TENM1: variants seen among roughly 807,000 people sequenced by gnomAD.
The protein encoded by TENM1 is teneurin transmembrane protein 1.
Under a neutral mutation model 174.8 loss-of-function variants are expected in TENM1, and 35 were observed. The ratio of observed to expected loss-of-function variants is 0.20; its 90% CI spans 0.15 to 0.27. TENM1 has a LOEUF of 0.27. TENM1 is among the 10% of genes least tolerant of loss of function. The pLI is 1.00. For missense variants in TENM1, 1,633 were observed against 2,130.1 expected, an observed-to-expected ratio of 0.77 and a Z score of 4.59; for synonymous variants, 781 against 798.7, an observed-to-expected ratio of 0.98 and a Z score of 0.37.
the TENM1 span, among the ~76,000 whole-genome samples, chrX:125,092,111 C>T: frequency 2.7e-5 from 3 of 109,976 alleles, no homozygotes; most frequent in South Asian, 1.2e-3. Flanking sequence ...AAAGAAGCTT[C>T]CAAAAATCTC....
intron 6 of TENM1, among the ~76,000 whole-genome samples, chrX:124,667,569 G>A (rs1182334572): frequency 1.9e-5 from 2 of 103,176 alleles, no homozygotes; most frequent in Admixed American, 1.1e-4. Flanking sequence ...CAACCTGGGC[G>A]ACAGAGTGAG....
At chrX:124,522,855 A>G (rs2047885692) in intron 17 of TENM1, among the ~76,000 whole-genome samples, 1 of 110,424 alleles carries the variant, frequency 9.1e-6, no homozygotes, top group Admixed American at 9.6e-5. Context: ...TGCCTGACTA[A>G]TTTTGTATTT....
At chrX:125,091,706 G>C in the TENM1 span, among the ~76,000 whole-genome samples, 1 of 110,997 alleles carries the variant, frequency 9.0e-6, no homozygotes, top group African/African-American at 3.3e-5. Context: ...ACCTAGGAGA[G>C]GCCGGGCATG....
chrX:124,516,339 A>C (rs2047702998), intron 18 of TENM1, among the ~76,000 whole-genome samples: 1 of 112,202 alleles, frequency 8.9e-6, no homozygotes, highest in African/African-American at 3.2e-5. Context: ...ACAAAAGCAA[A>C]AATTGACAAA....
At chrX:125,014,285 A>G in the TENM1 span, among the ~76,000 whole-genome samples, 1 of 112,659 alleles carries the variant, frequency 8.9e-6, no homozygotes, top group South Asian at 3.6e-4. Flanking sequence ...GCAAGATATT[A>G]TAATGTAACA....
chrX:125,037,460 C>T, the TENM1 span, among the ~76,000 whole-genome samples: 1 of 110,937 alleles, frequency 9.0e-6, no homozygotes, highest in African/African-American at 3.3e-5. Context: ...AATATTTAAC[C>T]TATACTTTAT....
intron 1 of TENM1, among the ~76,000 whole-genome samples, chrX:124,956,153 C>T (rs1300532046): frequency 1.8e-5 from 2 of 111,853 alleles, no homozygotes; most frequent in Non-Finnish European, 3.8e-5. Context: ...GCAGAATACA[C>T]GGCATGGTTC....
At chrX:125,104,159 C>T in the TENM1 span, among the ~76,000 whole-genome samples, 1,238 of 111,831 alleles carry the variant, frequency 0.011, 12 homozygotes, top group Non-Finnish European at 0.019. Context: ...AATCTTTAAT[C>T]TGCCAGCTTT....
chrX:124,570,424 G>A (rs778829268), intron 11 of TENM1, among the ~76,000 whole-genome samples: 29 of 111,277 alleles, frequency 2.6e-4, no homozygotes, highest in Admixed American at 2.4e-3. Context: ...TTCTCATGAA[G>A]ATCTCATTCA....
At chrX:124,566,769 T>G (rs2148177344) in intron 11 of TENM1, among the ~76,000 whole-genome samples, 1 of 112,011 alleles carries the variant, frequency 8.9e-6, no homozygotes, top group Admixed American at 9.5e-5. Context: ...TGTTCATGGG[T>G]TTACTCACAA....
chrX:125,169,199 TA>T, the TENM1 span, among the ~76,000 whole-genome samples: 1 of 111,566 alleles, frequency 9.0e-6, no homozygotes, highest in South Asian at 3.7e-4. Flanking sequence ...AGCTGTTTAC[TA>T]CTGAGAAAGT....
At chrX:124,646,358 G>A (rs1262952744) in intron 9 of TENM1, among the ~76,000 whole-genome samples, 2 of 112,318 alleles carry the variant, frequency 1.8e-5, no homozygotes. Context: ...GGAAATACAA[G>A]CATCACATAG....
intron 28 of TENM1, among the ~76,000 whole-genome samples, chrX:124,388,875 A>C (rs2060252148): frequency 8.9e-6 from 1 of 112,526 alleles, no homozygotes; most frequent in Non-Finnish European, 1.9e-5. Flanking sequence ...TAAATGTATA[A>C]GGCTAAAGTA....
chrX:124,418,251 C>T (rs1480328364), intron 25 of TENM1, among the ~76,000 whole-genome samples: 1 of 111,811 alleles, frequency 8.9e-6, no homozygotes, highest in Non-Finnish European at 1.9e-5. Context: ...CATTCCACTT[C>T]CATCACAATG....
intron 22 of TENM1, among the ~76,000 whole-genome samples, chrX:124,472,512 A>C (rs756975832): frequency 9.2e-6 from 1 of 108,716 alleles, no homozygotes; most frequent in Admixed American, 1.0e-4. Flanking sequence ...TGAAGTGGCC[A>C]AAAATGGAAT....
intron 3 of TENM1, among the ~76,000 whole-genome samples, chrX:124,763,138 T>C (rs1456797605): frequency 1.8e-5 from 2 of 110,851 alleles, no homozygotes; most frequent in African/African-American, 6.6e-5. Flanking sequence ...GATGAGCAGG[T>C]AATTGTAAAC....
At chrX:124,840,596 TAAAG>T (rs1300075593) in intron 3 of TENM1, among the ~76,000 whole-genome samples, 3 of 111,401 alleles carry the variant, frequency 2.7e-5, no homozygotes, top group Non-Finnish European at 5.7e-5. Flanking sequence ...CACAAAAAAA[TAAAG>T]AGAGGAGGCT....
intron 11 of TENM1, among the ~76,000 whole-genome samples, chrX:124,594,990 T>C (rs1396307315): frequency 2.7e-5 from 3 of 111,904 alleles, no homozygotes; most frequent in African/African-American, 6.5e-5. Context: ...CAAATGTCCT[T>C]GCTCTTTTGA....
intron 3 of TENM1, among the ~76,000 whole-genome samples, chrX:124,740,206 C>T (rs1266188919): frequency 2.7e-5 from 3 of 111,619 alleles, no homozygotes; most frequent in African/African-American, 9.8e-5. Context: ...GTCTTGTGCT[C>T]AGAACCCCTC....
Sources: gnomAD v4.1 joint callset for allele counts (sites outside exome capture counted in the v4.1 genomes callset) on GRCh38, gnomAD v4.1.1 for gene constraint, MANE v1.5 for transcripts, NCBI Gene and HGNC (gene_info 2026-07-23, HGNC 2026-07-21) for gene names.